UGT1A8: variants seen among roughly 807,000 people sequenced by gnomAD.
The protein encoded by UGT1A8 is UDP glucuronosyltransferase family 1 member A8, also known as UDP-glucuronosyltransferase 1A8.
UGT1A8 carries 39 observed loss-of-function variants against 45.3 expected under a neutral mutation model. The ratio of observed to expected loss-of-function variants is 0.86; its 90% confidence interval spans 0.67 to 1.12. The LOEUF (loss-of-function observed/expected upper bound fraction) is 1.12, where lower values mean the gene tolerates loss of function less well. UGT1A8 is among the 50% of genes most tolerant of loss of function. The pLI, the probability that UGT1A8 is intolerant of heterozygous loss-of-function variation, is 0.00. For synonymous variants in UGT1A8, 275 were observed against 249.2 expected, an observed-to-expected ratio of 1.10 and a Z score of -0.97; for missense variants, 719 against 664.9, an observed-to-expected ratio of 1.08 and a Z score of -0.90.
intron 1 of UGT1A8, chr2:233,713,048 C>T (rs2076273385): frequency 6.2e-7 from 1 of 1,614,080 alleles, no homozygotes; most frequent in Admixed American, 1.7e-5. Flanking sequence ...TGCTGCTTCT[C>T]CTCAGTGTCC....
chr2:233,697,939 AG>A (rs1460497490), intron 1 of UGT1A8, among the ~76,000 whole-genome samples: 1 of 152,252 alleles, frequency 6.6e-6, no homozygotes, highest in Non-Finnish European at 1.5e-5. Flanking sequence ...ATTGGAAAAA[AG>A]TAAATGAAAG....
chr2:233,664,921 C>T (rs956164711), intron 1 of UGT1A8, among the ~76,000 whole-genome samples: 3 of 152,132 alleles, frequency 2.0e-5, no homozygotes, highest in African/African-American at 7.2e-5. Context: ...TAGATCATAT[C>T]CAAGTTGCAT....
At chr2:233,644,471 G>A (rs906318339) in intron 1 of UGT1A8, among the ~76,000 whole-genome samples, 8 of 152,156 alleles carry the variant, frequency 5.3e-5, no homozygotes, top group Admixed American at 1.3e-4. Context: ...AGGAAGCAGA[G>A]ATTCGCTTGA....
chr2:233,772,941 C>G lies in UGT1A8; in HGVS notation c.*382C>G. The G allele has an allele frequency of 3.0e-6, 1 of 336,190 alleles. No homozygotes were observed. The highest frequency in any genetic ancestry group is 5.5e-6 in the Non-Finnish European group (1 of 182,010). The allele number at this position is 336,190 out of a possible 1,614,324, so 20.8% of individuals were successfully genotyped here. A position where few individuals can be genotyped will look rare whatever the true frequency, so the allele number is the denominator to read the frequency against. ...TGGCAGTTTTAATCTTATCTTTTGG[C>G]TTCTGCAGATGGTTGCAATTGATCC... is the stretch of plus-strand genomic sequence containing the variant. On this transcript the variant is annotated 3_prime_UTR_variant, in exon 5 of 5. Coordinates refer to ENST00000373450, the MANE Select transcript of UGT1A8 (RefSeq NM_019076.5).
At chr2:233,630,015 T>C (rs1163562178) in intron 1 of UGT1A8, among the ~76,000 whole-genome samples, 1 of 151,408 alleles carries the variant, frequency 6.6e-6, no homozygotes, top group Non-Finnish European at 1.5e-5. Flanking sequence ...TCTTCTCTCT[T>C]TTTTTTTCAG....
chr2:233,719,190 C>T (rs772886660), intron 1 of UGT1A8: 2 of 1,614,200 alleles, frequency 1.2e-6, no homozygotes, highest in Non-Finnish European at 1.7e-6. Flanking sequence ...ATCTTTGGCC[C>T]TTCATAGGTG....
intron 1 of UGT1A8, chr2:233,756,417 G>T (rs1392251682): frequency 6.6e-6 from 1 of 151,810 alleles, no homozygotes; most frequent in Non-Finnish European, 1.5e-5. Context: ...TGTATTATTT[G>T]TACTGTTTTT....
At chr2:233,648,263 C>T (rs532803700) in intron 1 of UGT1A8, 86 of 601,126 alleles carry the variant, frequency 1.4e-4, no homozygotes, top group African/African-American at 4.5e-4. Context: ...TCTTTTGATG[C>T]GGTGTTTCTG....
chr2:233,680,966 G>C (rs1048785834), intron 1 of UGT1A8, among the ~76,000 whole-genome samples: 1 of 151,944 alleles, frequency 6.6e-6, no homozygotes, highest in African/African-American at 2.4e-5. Flanking sequence ...TTTCTGGAAG[G>C]GTCCATGGAG....
intron 1 of UGT1A8, among the ~76,000 whole-genome samples, chr2:233,660,240 G>T (rs190548165): frequency 6.6e-6 from 1 of 152,054 alleles, no homozygotes; most frequent in Non-Finnish European, 1.5e-5. Context: ...TGTTCGCCCC[G>T]CTGACATTCT....
At chr2:233,695,026 A>G (rs1281152166) in intron 1 of UGT1A8, among the ~76,000 whole-genome samples, 1 of 152,126 alleles carries the variant, frequency 6.6e-6, no homozygotes, top group Non-Finnish European at 1.5e-5. Flanking sequence ...GAACTGCAGT[A>G]TACATTCTTG....
chr2:233,709,020 G>A (rs2076052860), intron 1 of UGT1A8, among the ~76,000 whole-genome samples: 2 of 152,236 alleles, frequency 1.3e-5, no homozygotes, highest in South Asian at 4.1e-4. Flanking sequence ...TACCCAAGCA[G>A]CAGGGGCTTC....
At chr2:233,670,331 C>T (rs1481327498) in intron 1 of UGT1A8, among the ~76,000 whole-genome samples, 3 of 152,140 alleles carry the variant, frequency 2.0e-5, no homozygotes, top group Non-Finnish European at 4.4e-5. Flanking sequence ...GAGACAGGTA[C>T]ACTTGGTGTA....
chr2:233,743,714 T>A (rs1337587224), intron 1 of UGT1A8: 1 of 1,367,242 alleles, frequency 7.3e-7, no homozygotes, highest in Non-Finnish European at 9.8e-7. Context: ...CGCCTCGCCA[T>A]AGCGGTCATA....
intron 1 of UGT1A8, among the ~76,000 whole-genome samples, chr2:233,622,709 G>C (rs1316957022): frequency 6.6e-6 from 1 of 152,122 alleles, no homozygotes; most frequent in African/African-American, 2.4e-5. Context: ...TTCTTTTGCT[G>C]TGCAGAAGCT....
At chr2:233,762,782 TCTA>T (rs770561040) in intron 1 of UGT1A8, among the ~76,000 whole-genome samples, 8 of 152,166 alleles carry the variant, frequency 5.3e-5, no homozygotes, top group Non-Finnish European at 7.4e-5. Flanking sequence ...TAGCTGATTA[TCTA>T]CTCATTACTC....
At chr2:233,682,135 G>T (rs201856078) in intron 1 of UGT1A8, 36 of 1,614,086 alleles carry the variant, frequency 2.2e-5, no homozygotes, top group Non-Finnish European at 5.1e-6. Flanking sequence ...GTTGGCAACT[G>T]GGAAGATCAC....
intron 1 of UGT1A8, chr2:233,729,208 A>C: frequency 6.2e-7 from 1 of 1,614,056 alleles, no homozygotes; most frequent in Non-Finnish European, 8.5e-7. Flanking sequence ...CTGGGCTGAG[A>C]GTGGAAAGGT....
intron 1 of UGT1A8, among the ~76,000 whole-genome samples, chr2:233,763,416 A>T (rs1484402572): frequency 6.6e-6 from 1 of 152,224 alleles, no homozygotes; most frequent in Non-Finnish European, 1.5e-5. Flanking sequence ...TTTTTAATCC[A>T]GTCAGGCAGT....
Sources: allele counts gnomAD v4.1 joint callset (sites outside exome capture counted in the v4.1 genomes callset), GRCh38; gene constraint gnomAD v4.1.1; transcripts MANE v1.5; gene names NCBI Gene and HGNC (gene_info 2026-07-23, HGNC 2026-07-21).